The following PARD3 variants were observed in gnomAD, a reference collection of about 807,000 sequenced individuals.
PARD3 encodes the protein par-3 family cell polarity regulator.
Under a neutral mutation model 155.4 loss-of-function variants are expected in PARD3, and 75 were observed. The ratio of observed to expected loss-of-function variants is 0.48; its 90% CI spans 0.40 to 0.58. The LOEUF (loss-of-function observed/expected upper bound fraction) is 0.58. Ranked by LOEUF, PARD3 falls within the 20% of genes least tolerant of loss-of-function variation. The pLI is 0.00. For synonymous variants in PARD3, 576 were observed against 610.5 expected, an observed-to-expected ratio of 0.94 and a Z score of 0.83; for missense variants, 1,642 against 1,721.7, an observed-to-expected ratio of 0.95 and a Z score of 0.82.
At chr10:34,165,116 C>T (rs1300359693) in intron 22 of PARD3, among the ~76,000 whole-genome samples, 1 of 152,024 alleles carries the variant, frequency 6.6e-6, no homozygotes, top group Non-Finnish European at 1.5e-5. Context: ...TTAATTTCAA[C>T]TAATTTCTCT....
At chr10:34,199,316 G>C (rs1951099644) in intron 22 of PARD3, among the ~76,000 whole-genome samples, 1 of 152,140 alleles carries the variant, frequency 6.6e-6, no homozygotes, top group Non-Finnish European at 1.5e-5. Flanking sequence ...TAAAAACCTA[G>C]TGCTTTGGTG....
At chr10:34,346,529 A>G (rs1008806460) in intron 15 of PARD3, 8 of 1,272,428 alleles carry the variant, frequency 6.3e-6, no homozygotes, top group Non-Finnish European at 8.2e-6. Flanking sequence ...CTCTCTCTCA[A>G]GGGGACTGAA....
Position 34,386,539 on chromosome 10 carries a change from T to C in PARD3, c.891-2285A>G, listed in dbSNP as rs561740094. On this transcript the variant is annotated intron_variant, in intron 7 of 24. Transcript: ENST00000374788. Reference sequence around the variant, plus strand: ...TCTATCATAGGAATCAAAGGAATTATTGGCTGGGCACAGTGGTTCACGCCT... The same window carrying C: ...TCTATCATAGGAATCAAAGGAATTACTGGCTGGGCACAGTGGTTCACGCCT... Among the ~76,000 whole-genome samples the C allele has an allele frequency of 2.2e-4, 33 of 152,224 alleles. 1 individual carries two copies. The South Asian group carries it at 6.8e-3, about 32-fold the overall frequency.
At chr10:34,135,469 T>G (rs1213712845) in intron 22 of PARD3, among the ~76,000 whole-genome samples, 1 of 152,230 alleles carries the variant, frequency 6.6e-6, no homozygotes, top group Non-Finnish European at 1.5e-5. Context: ...TGACCCTGAA[T>G]TATATGGAAC....
In PARD3 at chr10:34,496,151, T is replaced by C. The variant is rs529307004; in HGVS notation, c.403+20828A>G. On this transcript the variant is annotated intron_variant, in intron 3 of 24. Coordinates refer to ENST00000374788, the MANE Select transcript of PARD3 (RefSeq NM_001184785.2). ...AGGAGGTCTTGGCAGCGAGCCAAGA[T>C]TGCATCACTGCACTGGGTGTCCAGC... Among the ~76,000 whole-genome samples, 520 of 151,754 alleles carry C rather than the reference T, an allele frequency of 3.4e-3. 3 individuals carry two copies. Among genetic ancestry groups the C allele is most frequent in the Non-Finnish European group, 5.1e-3 (348 of 67,936 alleles).
intron 2 of PARD3, among the ~76,000 whole-genome samples, chr10:34,662,033 C>T (rs564936339): frequency 6.6e-6 from 1 of 152,256 alleles, no homozygotes; most frequent in East Asian, 1.9e-4. Flanking sequence ...GCAGGCCTAA[C>T]CGTGAAGGCT....
In PARD3 at chr10:34,728,971, C is replaced by A. The variant is rs535339849; in HGVS notation, c.121-32552G>T. Among the ~76,000 whole-genome samples, 196 of 152,164 alleles carry A rather than the reference C, an allele frequency of 1.3e-3. 3 individuals are homozygous for A. Among genetic ancestry groups the A allele is most frequent in the Non-Finnish European group, 3.7e-4 (25 of 68,032 alleles). On this transcript the variant is annotated intron_variant, in intron 1 of 24. Coordinates refer to ENST00000374788, the MANE Select transcript of PARD3 (RefSeq NM_001184785.2). ...CTAGGTTCCGATATGTTTAGAAACA[C>A]AACTATGTACCACTCTGTTCTAACT...
intron 20 of PARD3, among the ~76,000 whole-genome samples, chr10:34,292,392 ATT>A (rs1257935894): frequency 3.3e-5 from 5 of 152,210 alleles, no homozygotes; most frequent in Admixed American, 1.3e-4. Flanking sequence ...TCAGCAGTAG[ATT>A]GTGGCAATGC....
Position 34,360,025 on chromosome 10 carries a change from T to G in PARD3, c.1896+46A>C, listed in dbSNP as rs763370495. On this transcript the variant is annotated intron_variant, in intron 13 of 24. Coordinates refer to ENST00000374788, the MANE Select transcript of PARD3 (RefSeq NM_001184785.2). ...TCCAAAATAGGAACAGGGTTGAAAT[T>G]AAAATTTTTGTTAATAGGCATACGC... 5 of 1,468,226 alleles carry G rather than the reference T, an allele frequency of 3.4e-6. No individual in the cohort carries two copies. In the South Asian group the frequency reaches 5.8e-5, roughly 17 times the overall value. The allele number at this position is 1,468,226 out of a possible 1,614,324, so 90.9% of individuals were successfully genotyped here. A position where few individuals can be genotyped will look rare whatever the true frequency, so the allele number is the denominator to read the frequency against.
intron 1 of PARD3, among the ~76,000 whole-genome samples, chr10:34,719,370 C>A (rs954085744): frequency 2.6e-5 from 4 of 152,290 alleles, no homozygotes; most frequent in African/African-American, 9.6e-5. Flanking sequence ...AGGATTATTT[C>A]ATTTTCTTAT....
At chr10:34,546,516 C>CA (rs11299027) in intron 2 of PARD3, among the ~76,000 whole-genome samples, 127 of 145,294 alleles carry the variant, frequency 8.7e-4, no homozygotes, top group Non-Finnish European at 6.8e-4. Flanking sequence ...GACTCTGTCT[C>CA]AAAAAAAAAA....
chr10:34,250,401 G>A (rs906096211), intron 22 of PARD3, among the ~76,000 whole-genome samples: 1 of 152,176 alleles, frequency 6.6e-6, no homozygotes, highest in Non-Finnish European at 1.5e-5. Context: ...ATTAAGGTAA[G>A]TGATTATTGA....
At chr10:34,290,310 A>C (rs1956616103) in intron 20 of PARD3, among the ~76,000 whole-genome samples, 1 of 152,240 alleles carries the variant, frequency 6.6e-6, no homozygotes, top group East Asian at 1.9e-4. Flanking sequence ...ATCCGGAACC[A>C]ATTATCTTGT....
chr10:34,233,776 C>T (rs1564505233), intron 22 of PARD3, among the ~76,000 whole-genome samples: 1 of 152,084 alleles, frequency 6.6e-6, no homozygotes, highest in Non-Finnish European at 1.5e-5. Flanking sequence ...GTGCAAGCCT[C>T]CATGATTCTG....
intron 19 of PARD3, among the ~76,000 whole-genome samples, chr10:34,320,231 C>G (rs1472292807): frequency 6.6e-6 from 1 of 152,182 alleles, no homozygotes; most frequent in East Asian, 1.9e-4. Flanking sequence ...GCTTACTGTT[C>G]TCTCATCAAG....
chr10:34,807,459 G>A (rs1276818328), intron 1 of PARD3, among the ~76,000 whole-genome samples: 1 of 152,122 alleles, frequency 6.6e-6, no homozygotes, highest in African/African-American at 2.4e-5. Flanking sequence ...CCATCACCAT[G>A]ATCTTAGAAT....
At chr10:34,730,025 G>A in intron 1 of PARD3, among the ~76,000 whole-genome samples, 1 of 151,992 alleles carries the variant, frequency 6.6e-6, no homozygotes, top group East Asian at 1.9e-4. Context: ...GACCTAAAGA[G>A]CAATTCATTA....
At chr10:34,426,060 T>A (rs2075586136) in intron 5 of PARD3, among the ~76,000 whole-genome samples, 1 of 152,180 alleles carries the variant, frequency 6.6e-6, no homozygotes. Flanking sequence ...TAAAGAAATA[T>A]TTAACTGAGC....
rs79822014 is a variant in PARD3 at position 34,416,309 on chromosome 10, A to G, written c.715-14392T>C. ...ACAGTCAGCTATGCTTTGAGCAGACATAACTAGACTAGATGCACTCTTAAA... is the reference window on the plus strand; with the variant it reads ...ACAGTCAGCTATGCTTTGAGCAGACGTAACTAGACTAGATGCACTCTTAAA... On this transcript the variant is annotated intron_variant, in intron 5 of 24. Transcript: ENST00000374788. Among the ~76,000 whole-genome samples the G allele has an allele frequency of 2.2e-4, 33 of 152,338 alleles. No homozygotes were observed. The East Asian group carries it at 6.4e-3, about 29-fold the overall frequency.
Sources: gnomAD v4.1 joint callset for allele counts (sites outside exome capture counted in the v4.1 genomes callset) on GRCh38, gnomAD v4.1.1 for gene constraint, MANE v1.5 for transcripts, NCBI Gene and HGNC (gene_info 2026-07-23, HGNC 2026-07-21) for gene names.